Variants in RORA observed in about 807,000 individuals in gnomAD.
The protein encoded by RORA is nuclear receptor ROR-alpha.
Under a neutral mutation model 69.5 loss-of-function variants are expected in RORA, and 7 were observed. The observed-to-expected ratio is 0.10, with a 90% confidence interval of 0.06 to 0.19. RORA has a LOEUF of 0.19. RORA is among the 10% of genes least tolerant of loss of function. The pLI is 1.00. For missense variants in RORA, 457 were observed against 663.0 expected (o/e 0.69, Z 3.41); for synonymous variants, 261 against 240.8 (o/e 1.08, Z -0.78).
At chr15:60,838,648 G>C (rs548900562) in intron 1 of RORA, among the ~76,000 whole-genome samples, 2 of 152,302 alleles carry the variant, frequency 1.3e-5, no homozygotes, top group East Asian at 3.9e-4. Flanking sequence ...TCTTTTATTT[G>C]TAGGTATCAA....
intron 1 of RORA, among the ~76,000 whole-genome samples, chr15:61,096,213 G>C (rs2078788001): frequency 6.6e-6 from 1 of 152,186 alleles, no homozygotes; most frequent in African/African-American, 2.4e-5. Flanking sequence ...GTTTCTTCTA[G>C]GTGGCTTTGG....
chr15:60,648,994 A>G (rs1596096148), intron 2 of RORA, among the ~76,000 whole-genome samples: 1 of 151,902 alleles, frequency 6.6e-6, no homozygotes, highest in African/African-American at 2.4e-5. Context: ...TCCACAGTCA[A>G]CTCTCCTCAC....
intron 1 of RORA, among the ~76,000 whole-genome samples, chr15:60,735,456 G>A (rs554820383): frequency 2.2e-4 from 33 of 152,126 alleles, no homozygotes; most frequent in African/African-American, 7.5e-4. Context: ...CACCTCCATC[G>A]TAACTGCCTA....
Position 61,147,771 on chromosome 15 carries a change from G to GTA in RORA, c.166+81281_166+81282insTA, listed in dbSNP as rs1555414894. On this transcript the variant is annotated intron_variant, in intron 1 of 10. Coordinates refer to ENST00000335670, the MANE Select transcript of RORA (RefSeq NM_134261.3). This position sits in a 1 kb window ranked among gnomAD's most constrained non-coding sequence, Gnocchi z 4.1. ...AGTAGGCACGTGCGCACACGCGTGT[G>GTA]TGTGTGTGTGTGTGTGTGTGTGTGA... Among the ~76,000 whole-genome samples, 1 of 147,790 alleles carries GTA rather than the reference G, an allele frequency of 6.8e-6. No individual in the cohort carries two copies. The highest frequency in any genetic ancestry group is 2.7e-5 in the African/African-American group (1 of 37,724).
chr15:60,738,716 G>A (rs573472213), intron 1 of RORA, among the ~76,000 whole-genome samples: 2 of 152,256 alleles, frequency 1.3e-5, no homozygotes, highest in East Asian at 3.9e-4. Flanking sequence ...CGTTTCCTAC[G>A]ACTGCTGGAA....
At chr15:60,886,626 C>G (rs1036536737) in intron 1 of RORA, among the ~76,000 whole-genome samples, 1 of 152,206 alleles carries the variant, frequency 6.6e-6, no homozygotes, top group Non-Finnish European at 1.5e-5. Flanking sequence ...TCAATATAGA[C>G]AGCTTTGATC....
chr15:60,581,228 G>C (rs1362022290), intron 2 of RORA, among the ~76,000 whole-genome samples: 1 of 152,166 alleles, frequency 6.6e-6, no homozygotes, highest in Non-Finnish European at 1.5e-5. Context: ...CACTTCAAAA[G>C]GGATTCTGAA....
chr15:60,920,254 T>C (rs1005328019), intron 1 of RORA, among the ~76,000 whole-genome samples: 1 of 152,228 alleles, frequency 6.6e-6, no homozygotes, highest in Non-Finnish European at 1.5e-5. Flanking sequence ...TCAGCCATTT[T>C]ATCTTCCACC....
intron 1 of RORA, among the ~76,000 whole-genome samples, chr15:60,710,713 T>C (rs2071131048): frequency 6.6e-6 from 1 of 152,112 alleles, no homozygotes; most frequent in South Asian, 2.1e-4. Context: ...TGCAACCCAA[T>C]TTCCTTCCTG....
intron 1 of RORA, among the ~76,000 whole-genome samples, chr15:60,831,268 G>A (rs747402289): frequency 1.3e-5 from 2 of 152,158 alleles, no homozygotes; most frequent in Non-Finnish European, 2.9e-5. Context: ...ATGAGGGGAG[G>A]TTACATGGAG....
chr15:61,225,655 CA>C (rs2140952201), intron 1 of RORA, among the ~76,000 whole-genome samples: 1 of 152,262 alleles, frequency 6.6e-6, no homozygotes, highest in East Asian at 1.9e-4. Context: ...TGTTCCAAAC[CA>C]ACTGTGTGGT....
At chr15:60,677,086 A>G (rs954027780) in intron 2 of RORA, 3 of 442,590 alleles carry the variant, frequency 6.8e-6, no homozygotes, top group African/African-American at 6.0e-5. Context: ...AACAGTAGGC[A>G]CAATCATCAG....
At chr15:60,721,972 A>G (rs1344398326) in intron 1 of RORA, among the ~76,000 whole-genome samples, 1 of 152,270 alleles carries the variant, frequency 6.6e-6, no homozygotes, top group East Asian at 1.9e-4. Flanking sequence ...TTGTTTAAAC[A>G]AACTATGCCT....
At chr15:60,936,148 C>T (rs1370825285) in intron 1 of RORA, among the ~76,000 whole-genome samples, 3 of 152,178 alleles carry the variant, frequency 2.0e-5, no homozygotes, top group Non-Finnish European at 4.4e-5. Flanking sequence ...AACAATGATG[C>T]TAGGACCCAA....
chr15:60,505,485 A>G (rs764497715), intron 6 of RORA, 23 bp downstream of exon 6: 2 of 1,613,158 alleles, frequency 1.2e-6, no homozygotes, highest in South Asian at 2.2e-5. Context: ...CAATCCTAGG[A>G]GGAAAAATTC....
At chr15:61,016,585 G>A (rs1490882915) in intron 1 of RORA, among the ~76,000 whole-genome samples, 2 of 152,184 alleles carry the variant, frequency 1.3e-5, no homozygotes, top group Admixed American at 1.3e-4. Flanking sequence ...TGGAAGGAGT[G>A]TGTTCTACGA....
At chr15:61,191,248 G>A (rs1211923752) in intron 1 of RORA, among the ~76,000 whole-genome samples, 3 of 151,948 alleles carry the variant, frequency 2.0e-5, no homozygotes, top group Non-Finnish European at 4.4e-5. Flanking sequence ...CACTACACAT[G>A]AAGCCTCTGG....
chr15:61,189,856 C>CAAAAAAAAAAAAA (rs71125907), intron 1 of RORA, among the ~76,000 whole-genome samples: 1 of 42,894 alleles, frequency 2.3e-5, no homozygotes, highest in Non-Finnish European at 3.7e-5. Flanking sequence ...GACTCTGTCT[C>CAAAAAAAAAAAAA]AAAAAAAAAA....
At chr15:61,174,314 T>G (rs992906305) in intron 1 of RORA, among the ~76,000 whole-genome samples, 6 of 152,228 alleles carry the variant, frequency 3.9e-5, no homozygotes, top group Non-Finnish European at 5.9e-5. Context: ...TTTCCTAGTT[T>G]CACCCAGTAA....
Sources: allele counts gnomAD v4.1 joint callset (sites outside exome capture counted in the v4.1 genomes callset), GRCh38; gene constraint gnomAD v4.1.1; non-coding constraint Gnocchi (gnomAD v3.1); transcripts MANE v1.5; gene names NCBI Gene and HGNC (gene_info 2026-07-23, HGNC 2026-07-21).